The following NOC4L variants were observed in gnomAD, a reference collection of about 807,000 sequenced individuals.
NOC4L encodes the protein nucleolar complex associated 4 homolog.
A neutral mutation model predicts 62.8 loss-of-function variants in NOC4L; 40 were observed. The observed-to-expected ratio is 0.64, with a 90% CI of 0.49 to 0.83. The LOEUF (loss-of-function observed/expected upper bound fraction) is 0.83. NOC4L is among the 40% of genes least tolerant of loss of function. The pLI is 0.00. For missense variants in NOC4L, 927 were observed against 701.9 expected, an observed-to-expected ratio of 1.32 and a Z score of -3.62; for synonymous variants, 433 against 299.8, an observed-to-expected ratio of 1.44 and a Z score of -4.59.
Position 132,148,127 on chromosome 12 carries a change from C to T in NOC4L, c.738+21C>T, listed in dbSNP as rs183966042. The T allele has an allele frequency of 1.6e-4, 263 of 1,612,578 alleles. No homozygotes were observed. The Admixed American group carries it at 3.6e-3, about 22-fold the overall frequency. ...TGAAGGTGAGTTGCTTCTGGAGAGCCGGGCACCCTCCCGGGTTTGGGGGTG... is the reference window on the plus strand; with the variant it reads ...TGAAGGTGAGTTGCTTCTGGAGAGCTGGGCACCCTCCCGGGTTTGGGGGTG... On this transcript the variant is annotated intron_variant, in intron 7 of 14. Transcript: ENST00000330579.
At chr12:132,151,698 T>C in intron 12 of NOC4L, 40 bp from the exon 13 acceptor site, 1 of 1,611,946 alleles carries the variant, frequency 6.2e-7, no homozygotes, top group South Asian at 1.1e-5. Flanking sequence ...GGGTGCCTGG[T>C]GCTGTGGACG....
chr12:132,145,245 G>A (rs1897664997), intron 2 of NOC4L, among the ~76,000 whole-genome samples: 1 of 152,236 alleles, frequency 6.6e-6, no homozygotes, highest in Admixed American at 6.5e-5. Flanking sequence ...TCCTGACACG[G>A]TCGCTTAAAC....
intron 9 of NOC4L, 33 bp from the exon 10 acceptor site, chr12:132,150,948 C>T (rs1201116181): frequency 3.2e-6 from 5 of 1,556,610 alleles, no homozygotes; most frequent in Non-Finnish European, 3.5e-6. Flanking sequence ...AGCGAGGTCA[C>T]TGCAGCTCCA....
At chr12:132,150,905 C>A in intron 9 of NOC4L, 76 bp from the exon 10 acceptor site, 1 of 1,115,652 alleles carries the variant, frequency 9.0e-7, no homozygotes, top group South Asian at 1.4e-5. Flanking sequence ...ACTCCACAGA[C>A]TTACACTCAG....
At chr12:132,149,094 T>C (rs1408497046) in intron 9 of NOC4L, among the ~76,000 whole-genome samples, 199 bp downstream of exon 9, 4 of 6,068 alleles carry the variant, frequency 6.6e-4, no homozygotes, top group East Asian at 5.2e-3. Flanking sequence ...GCCTCACTCC[T>C]ACCACACCCC....
In NOC4L at chr12:132,151,303, C is replaced by T. The variant is rs762763675; in HGVS notation, c.1008C>T (p.Pro336=). ...FYRKLYGLLD[P]SVFHVKYRAR... ...GGAAGCTCTACGGCCTCTTGGACCC[C>T]TCTGTCTTTCACGTCAAGTACCGCG... The change falls in exon 11 of 15, where the codon CCC becomes CCT. Residue 336 remains proline (P), a synonymous_variant. Transcript: ENST00000330579. 2.8e-5 allele frequency: 45 copies of T among 1,611,934 alleles called. No homozygotes were observed. In the South Asian group the frequency reaches 3.0e-4, roughly 11 times the overall value.
chr12:132,148,000 G>A, intron 6 of NOC4L, 21 bp downstream of exon 6: 1 of 1,612,428 alleles, frequency 6.2e-7, no homozygotes, highest in Non-Finnish European at 8.5e-7. Context: ...TGAGAGTCAG[G>A]GGCGGACAGG....
At chr12:132,144,791 A>C in intron 1 of NOC4L, 63 bp from the exon 2 acceptor site, 1 of 1,556,000 alleles carries the variant, frequency 6.4e-7, no homozygotes, top group South Asian at 1.2e-5. Context: ...GGTTGGGGGC[A>C]GCCTAGGCAG....
chr12:132,147,897 G>C lies in NOC4L; in HGVS notation c.621G>C (p.Trp207Cys), dbSNP rs1407465405. The change falls in exon 6 of 15, where the codon TGG becomes TGC. Residue 207 changes from tryptophan to cysteine, a missense_variant. Trp to Cys is a radical substitution (Grantham distance 215, BLOSUM62 -2). Coordinates refer to ENST00000330579, the MANE Select transcript of NOC4L (RefSeq NM_024078.3). ...GQHPEVPPAF[W>C]NNAFTLLSAV... The stretch of plus-strand genomic sequence containing the variant: ...CTCCGCAGGTGCCCCCCGCCTTTTG[G>C]AACAATGCCTTCACGCTGCTGTCTG... 4 of 1,608,398 alleles carry C rather than the reference G, an allele frequency of 2.5e-6. No individual in the cohort carries two copies. The highest frequency in any genetic ancestry group is 3.4e-6 in the Non-Finnish European group (4 of 1,178,642).
In NOC4L at chr12:132,151,746, GCCGACC is replaced by G. The variant is rs1565962141; in HGVS notation, c.1246_1251del (p.Asp416_Pro417del). 3.1e-6 allele frequency: 5 copies of G among 1,612,396 alleles called. No homozygotes were observed. Among genetic ancestry groups the G allele is most frequent in the African/African-American group, 1.3e-5 (1 of 75,020 alleles). ...CCACGTCTCATTCCTAGAGTTGGAC[GCCGACC>G]CCTACGACCCTGGAGAGGAGGACCC... On this transcript the variant is annotated inframe_deletion, in exon 13 of 15. Coordinates refer to ENST00000330579, the MANE Select transcript of NOC4L (RefSeq NM_024078.3).
At position 132,148,839 on chromosome 12, in the gene NOC4L, C is replaced by A; in HGVS notation, c.845C>A (p.Pro282Gln). Reference sequence around the variant, plus strand: ...CTGATTGTGCATGACGCCATCCTGCCGCAGCTGGCGCAGCCCACGCTCATG... The same window carrying A: ...CTGATTGTGCATGACGCCATCCTGCAGCAGCTGGCGCAGCCCACGCTCATG... ...VLLIVHDAIL[P>Q]QLAQPTLMID... Residue 282 changes from proline (P) to glutamine (Q), a missense_variant, in exon 9 of 15, where the codon CCG becomes CAG. Transcript: ENST00000330579. 1 of 1,602,896 alleles carries A rather than the reference C, an allele frequency of 6.2e-7. No homozygotes were observed. The highest frequency in any genetic ancestry group is 1.1e-5 in the South Asian group (1 of 90,800).
At chr12:132,147,054 C>G (rs1398277892) in intron 3 of NOC4L, among the ~76,000 whole-genome samples, 1 of 152,006 alleles carries the variant, frequency 6.6e-6, no homozygotes, top group Non-Finnish European at 1.5e-5. Flanking sequence ...CCGCCAGACT[C>G]TGTCGTGAGC....
intron 7 of NOC4L, among the ~76,000 whole-genome samples, chr12:132,148,383 C>G (rs1019338201): frequency 6.6e-6 from 1 of 152,208 alleles, no homozygotes; most frequent in Non-Finnish European, 1.5e-5. Context: ...CAGCCCCCCT[C>G]TTGGCCATGG....
chr12:132,151,245 C>T lies in NOC4L; in HGVS notation c.963-13C>T, dbSNP rs1261604509. ...CCCTGCTCCATCCGCTGCTCCTTCCCCCCGGCCCGCAGGGAGTACCCTGAC... is the reference window on the plus strand; with the variant it reads ...CCCTGCTCCATCCGCTGCTCCTTCCTCCCGGCCCGCAGGGAGTACCCTGAC... On this transcript the variant is annotated splice_polypyrimidine_tract_variant and intron_variant, in intron 10 of 14. Coordinates refer to ENST00000330579, the MANE Select transcript of NOC4L (RefSeq NM_024078.3). 4 of 1,605,108 alleles carry T rather than the reference C, an allele frequency of 2.5e-6. No individual in the cohort carries two copies. The highest frequency in any genetic ancestry group is 1.7e-5 in the Admixed American group (1 of 60,020).
In NOC4L at chr12:132,148,157, T is replaced by G. The variant is rs894771854; in HGVS notation, c.738+51T>G. ...ACCCTCCCGGGTTTGGGGGTGTGTG[T>G]GGGGTGCATGTGAGACCCCATGGAG... On this transcript the variant is annotated intron_variant, in intron 7 of 14. Transcript: ENST00000330579. The G allele has an allele frequency of 5.6e-6, 9 of 1,594,508 alleles. 1 individual carries two copies. In the Middle Eastern group the frequency reaches 7.9e-4, roughly 139 times the overall value.
chr12:132,148,391 T>C (rs78078437), intron 7 of NOC4L, among the ~76,000 whole-genome samples: 1,735 of 152,286 alleles, frequency 0.011, 34 homozygotes, highest in African/African-American at 0.04. Context: ...CTCTTGGCCA[T>C]GGTCTTGCCA....
chr12:132,151,072 C>T (rs780044275), intron 10 of NOC4L, 31 bp downstream of exon 10: 3 of 1,580,202 alleles, frequency 1.9e-6, no homozygotes, highest in African/African-American at 1.3e-5. Flanking sequence ...AGGTCTTCTT[C>T]CCAGTCTGCC....
intron 2 of NOC4L, 29 bp from the exon 3 acceptor site, chr12:132,145,530 G>A (rs1469626619): frequency 9.2e-6 from 14 of 1,522,760 alleles, no homozygotes; most frequent in Admixed American, 5.2e-5. Flanking sequence ...TGGGCCTCAC[G>A]TGGGCTGACC....
Position 132,152,146 on chromosome 12 carries a change from G to A in NOC4L, c.1380G>A (p.Leu460=). ...CCGCCAGCGTCATCAACCAGGCCCT[G>A]TCCATGCCTGAGGTCAGCATCGCGC... ...SKAASVINQA[L]SMPEVSIAPL... Residue 460 remains leucine, a synonymous_variant, in exon 14 of 15, where the codon CTG becomes CTA. Transcript: ENST00000330579. 6.2e-7 allele frequency: 1 copy of A among 1,612,418 alleles called. No homozygotes were observed. Among genetic ancestry groups the A allele is most frequent in the African/African-American group, 1.3e-5 (1 of 75,060 alleles).
Sources: allele counts gnomAD v4.1 joint callset (sites outside exome capture counted in the v4.1 genomes callset), GRCh38; gene constraint gnomAD v4.1.1; transcripts MANE v1.5; gene names NCBI Gene and HGNC (gene_info 2026-07-23, HGNC 2026-07-21).